The following XPR1 variants were observed in gnomAD, a reference collection of about 807,000 sequenced individuals.
The protein encoded by XPR1 is xenotropic and polytropic retrovirus receptor 1.
In XPR1, 28 loss-of-function variants were observed where a neutral mutation model predicts 87.5. The ratio of observed to expected loss-of-function variants is 0.32; its 90% CI spans 0.24 to 0.44. The LOEUF is 0.44. XPR1 is among the 20% of genes least tolerant of loss of function. The pLI is 1.00. For synonymous variants in XPR1, 300 were observed against 306.1 expected, an observed-to-expected ratio of 0.98 and a Z score of 0.21; for missense variants, 559 against 862.3, an observed-to-expected ratio of 0.65 and a Z score of 4.41.
At chr1:180,821,098 T>C (rs1317764295) in intron 7 of XPR1, among the ~76,000 whole-genome samples, 1 of 152,184 alleles carries the variant, frequency 6.6e-6, no homozygotes, top group African/African-American at 2.4e-5. Flanking sequence ...TCATGTACTT[T>C]TGTTGTGATA....
chr1:180,688,418 A>AT (rs1389009575), intron 2 of XPR1, among the ~76,000 whole-genome samples: 1 of 151,972 alleles, frequency 6.6e-6, no homozygotes, highest in Non-Finnish European at 1.5e-5. Flanking sequence ...GCATATTTAA[A>AT]TTTTTACTAT....
At chr1:180,706,525 A>G (rs1040122953) in intron 2 of XPR1, among the ~76,000 whole-genome samples, 2 of 152,212 alleles carry the variant, frequency 1.3e-5, no homozygotes, top group Middle Eastern at 3.2e-3. Flanking sequence ...TTTTCATGTG[A>G]AAATTCACAT....
Position 180,862,442 on chromosome 1 carries a change from C to T in XPR1, c.1502-1266C>T, listed in dbSNP as rs149134388. Among the ~76,000 whole-genome samples, 307 of 152,166 alleles carry T rather than the reference C, an allele frequency of 2.0e-3. 1 individual carries two copies. In the Middle Eastern group the frequency reaches 0.021, roughly 10 times the overall value. ...CCTTCTCAGTATCTTCCTTCAGCCT[C>T]GAATGACCTCACCTTATCTGCCTGA... On this transcript the variant is annotated intron_variant, in intron 11 of 14. Transcript: ENST00000367590.
intron 14 of XPR1, among the ~76,000 whole-genome samples, chr1:180,881,206 C>G (rs926959586): frequency 6.6e-6 from 1 of 152,030 alleles, no homozygotes; most frequent in African/African-American, 2.4e-5. Context: ...CTCTGTTGCC[C>G]AGGCTGGAGT....
chr1:180,736,496 G>A (rs1040978922), intron 2 of XPR1, among the ~76,000 whole-genome samples: 3 of 152,128 alleles, frequency 2.0e-5, no homozygotes, highest in East Asian at 1.9e-4. Flanking sequence ...TCAGCATTCC[G>A]TAGTTTGTTA....
At chr1:180,662,625 T>G (rs1358026859) in intron 1 of XPR1, among the ~76,000 whole-genome samples, 4 of 152,200 alleles carry the variant, frequency 2.6e-5, no homozygotes, top group Admixed American at 2.6e-4. Context: ...TTAATTCTGC[T>G]TGGTGTTCTA....
At chr1:180,655,193 T>C (rs965341826) in intron 1 of XPR1, among the ~76,000 whole-genome samples, 6 of 152,154 alleles carry the variant, frequency 3.9e-5, no homozygotes, top group Non-Finnish European at 8.8e-5. Context: ...AGCATCTTTT[T>C]ATGTGGTTAG....
At chr1:180,806,299 C>G in intron 5 of XPR1, 88 bp downstream of exon 5, 1 of 1,551,306 alleles carries the variant, frequency 6.4e-7, no homozygotes, top group Non-Finnish European at 8.8e-7. Context: ...TATTTTGTAA[C>G]TAGTTGCTAG....
At chr1:180,861,825 C>T (rs927193487) in intron 11 of XPR1, among the ~76,000 whole-genome samples, 3 of 151,968 alleles carry the variant, frequency 2.0e-5, no homozygotes, top group Admixed American at 2.0e-4. Flanking sequence ...CTGATTTCCA[C>T]GGTGTAAATA....
chr1:180,863,864 AC>A lies in XPR1; in HGVS notation c.1663del (p.Gln555LysfsTer9), dbSNP rs1652297953. The A allele has an allele frequency of 6.3e-7, 1 of 1,596,812 alleles. No individual in the cohort carries two copies. Among genetic ancestry groups the A allele is most frequent in the Non-Finnish European group, 8.5e-7 (1 of 1,174,256 alleles). On this transcript the variant is annotated frameshift_variant, in exon 12 of 15. Transcript: ENST00000367590. LOFTEE classifies it high-confidence loss of function. ...ACTTTCCTCCGGGAAGAGATTGTAT[AC>A]CCCCAAAAAGTATGTATAAAGAGTG... The part of the protein sequence containing the change: ...ENTFLREEIV[Y>X]PQKAYYYCAI...
intron 1 of XPR1, among the ~76,000 whole-genome samples, chr1:180,674,416 G>A (rs1656294796): frequency 1.3e-5 from 2 of 151,580 alleles, no homozygotes; most frequent in Non-Finnish European, 2.9e-5. Flanking sequence ...CTGCCCCCAC[G>A]CCTGGCAAAT....
intron 11 of XPR1, among the ~76,000 whole-genome samples, chr1:180,843,474 C>G (rs183570900): frequency 5.0e-4 from 76 of 152,176 alleles, no homozygotes; most frequent in Non-Finnish European, 9.4e-4. Context: ...GCAATATTTG[C>G]TTAAGAACTG....
chr1:180,884,109 A>G lies in XPR1; in HGVS notation c.*43A>G, dbSNP rs770711692. On this transcript the variant is annotated 3_prime_UTR_variant, in exon 15 of 15. Transcript: ENST00000367590. ...TTAACATCTTTGGTTTTCCTACTCT[A>G]CAATCCTTTCCTCGACCAACGCAAC... 20 of 1,596,234 alleles carry G rather than the reference A, an allele frequency of 1.3e-5. 1 individual carries two copies. The South Asian group carries it at 2.1e-4, about 17-fold the overall frequency.
chr1:180,826,291 C>G (rs1201885818), intron 9 of XPR1, among the ~76,000 whole-genome samples: 2 of 151,856 alleles, frequency 1.3e-5, no homozygotes, highest in African/African-American at 4.8e-5. Flanking sequence ...TCGCTCATGC[C>G]TATAATCCCA....
At chr1:180,765,447 ATCTT>A (rs2102058872) in intron 2 of XPR1, among the ~76,000 whole-genome samples, 1 of 152,242 alleles carries the variant, frequency 6.6e-6, no homozygotes, top group South Asian at 2.1e-4. Context: ...TGACTACTAG[ATCTT>A]TCTTAGCCTC....
In XPR1 at chr1:180,655,463, C is replaced by T. The variant is rs533403365; in HGVS notation, c.69+23193C>T. ...TCACCCAGGCTGAAGTGTGGTGGTG[C>T]GATCTTGGCTCACTGCAACCTCTGC... On this transcript the variant is annotated intron_variant, in intron 1 of 14. Transcript: ENST00000367590. Among the ~76,000 whole-genome samples the T allele has an allele frequency of 8.2e-5, 12 of 146,214 alleles. No individual in the cohort carries two copies. The South Asian group carries it at 1.7e-3, about 21-fold the overall frequency.
intron 7 of XPR1, among the ~76,000 whole-genome samples, chr1:180,823,331 C>A (rs1274237996): frequency 2.0e-5 from 3 of 151,710 alleles, no homozygotes; most frequent in Non-Finnish European, 4.4e-5. Context: ...ATCATTAGAC[C>A]AAATGGAAGT....
intron 2 of XPR1, among the ~76,000 whole-genome samples, chr1:180,777,972 T>G (rs1445934460): frequency 6.6e-6 from 1 of 152,000 alleles, no homozygotes; most frequent in Non-Finnish European, 1.5e-5. Flanking sequence ...TTTCAGGAGA[T>G]CTTGTTTTTT....
chr1:180,849,790 A>G (rs1651804771), intron 11 of XPR1, among the ~76,000 whole-genome samples: 1 of 152,164 alleles, frequency 6.6e-6, no homozygotes, highest in Non-Finnish European at 1.5e-5. Context: ...GGTTTTAAGG[A>G]CATATGTGTA....
Sources: gnomAD v4.1 joint callset for allele counts (sites outside exome capture counted in the v4.1 genomes callset) on GRCh38, gnomAD v4.1.1 for gene constraint, MANE v1.5 for transcripts, NCBI Gene and HGNC (gene_info 2026-07-23, HGNC 2026-07-21) for gene names.